Variants in RBFOX3 observed in about 807,000 individuals in gnomAD.
RBFOX3 encodes RNA binding fox-1 homolog 3, also known as RNA binding protein fox-1 homolog 3.
Under a neutral mutation model 48.7 loss-of-function variants are expected in RBFOX3, and 17 were observed. The ratio of observed to expected loss-of-function variants is 0.35; its 90% CI spans 0.24 to 0.52. RBFOX3 has a LOEUF of 0.52. RBFOX3 is among the 20% of genes least tolerant of loss of function. The pLI is 0.94. For synonymous variants in RBFOX3, 212 were observed against 209.5 expected, an observed-to-expected ratio of 1.01 and a Z score of -0.10; for missense variants, 382 against 497.5, an observed-to-expected ratio of 0.77 and a Z score of 2.21.
chr17:79,283,355 G>A (rs2071071422), intron 3 of RBFOX3, among the ~76,000 whole-genome samples: 2 of 146,770 alleles, frequency 1.4e-5, no homozygotes, highest in South Asian at 4.3e-4. Context: ...TGCAACCTCT[G>A]CCTCCTGGGT....
the RBFOX3 span, among the ~76,000 whole-genome samples, chr17:79,628,548 A>T: frequency 6.6e-6 from 1 of 152,172 alleles, no homozygotes; most frequent in African/African-American, 2.4e-5. Flanking sequence ...ATTCCTTTTA[A>T]TTGAGGCGAA....
In RBFOX3 at chr17:79,363,535, C is replaced by T. The variant is rs1374168427; in HGVS notation, c.-174-55711G>A. ...GTATCTCAGATCTTCTGAGGATGCCCAACACAAGGCTCAATTCCCCTTCCT... is the reference window on the plus strand; with the variant it reads ...GTATCTCAGATCTTCTGAGGATGCCTAACACAAGGCTCAATTCCCCTTCCT... On this transcript the variant is annotated intron_variant, in intron 2 of 14. Coordinates refer to ENST00000693108, the MANE Select transcript of RBFOX3 (RefSeq NM_001350451.2). This position sits in a 1 kb window ranked among gnomAD's most constrained non-coding sequence, Gnocchi z 4.7. Among the ~76,000 whole-genome samples the T allele has an allele frequency of 6.6e-6, 1 of 152,056 alleles. No individual in the cohort carries two copies. The highest frequency in any genetic ancestry group is 1.9e-4 in the East Asian group (1 of 5,178).
the RBFOX3 span, among the ~76,000 whole-genome samples, chr17:79,622,767 G>A: frequency 3.9e-5 from 6 of 152,280 alleles, no homozygotes; most frequent in Admixed American, 1.3e-4. Flanking sequence ...CTCCAAACAC[G>A]GTCACACGCA....
rs567311596 is a variant in RBFOX3, at chr17:79,198,719, G to A, written c.-34+37047C>T. Reference sequence around the variant, plus strand: ...AGGCTCGTTGCAACCTCCACCTTCCGGGTTCAAGCGATTCTCCTGCCTCAG... The same window carrying A: ...AGGCTCGTTGCAACCTCCACCTTCCAGGTTCAAGCGATTCTCCTGCCTCAG... On this transcript the variant is annotated intron_variant, in intron 4 of 14. Coordinates refer to ENST00000693108, the MANE Select transcript of RBFOX3 (RefSeq NM_001350451.2). This position sits in a 1 kb window ranked among gnomAD's most constrained non-coding sequence, Gnocchi z 8.2. Among the ~76,000 whole-genome samples, 37 of 152,108 alleles carry A rather than the reference G, an allele frequency of 2.4e-4. No homozygotes were observed. The highest frequency in any genetic ancestry group is 8.7e-4 in the African/African-American group (36 of 41,490).
Position 79,554,390 on chromosome 17 carries a change from C to CG in RBFOX3, c.-320+56435_-320+56436insC, listed in dbSNP as rs2091431676. On this transcript the variant is annotated intron_variant, in intron 1 of 14. Coordinates refer to ENST00000693108, the MANE Select transcript of RBFOX3 (RefSeq NM_001350451.2). Reference sequence around the variant, plus strand: ...TCCATCCTCACTCACAGTCACCCCTCACCTGGCCCTCTCCATCCTCACTCA... The same window carrying CG: ...TCCATCCTCACTCACAGTCACCCCTCGACCTGGCCCTCTCCATCCTCACTCA... Among the ~76,000 whole-genome samples the CG allele has an allele frequency of 2.1e-3, 172 of 81,896 alleles. 1 individual carries two copies. Among genetic ancestry groups the CG allele is most frequent in the African/African-American group, 7.7e-3 (165 of 21,346 alleles). 53.7% of individuals were successfully genotyped at this position (81,896 alleles called of 152,430 possible). A position where few individuals can be genotyped will look rare whatever the true frequency, so the allele number is the denominator to read the frequency against.
chr17:79,354,708 G>C (rs926703421), intron 2 of RBFOX3, among the ~76,000 whole-genome samples: 1 of 152,328 alleles, frequency 6.6e-6, no homozygotes, highest in Non-Finnish European at 1.5e-5. Flanking sequence ...CCTCAGGAGG[G>C]TTTCCCTTCC....
At chr17:79,413,311 T>C (rs1259162421) in intron 2 of RBFOX3, among the ~76,000 whole-genome samples, 1 of 152,178 alleles carries the variant, frequency 6.6e-6, no homozygotes, top group Non-Finnish European at 1.5e-5. Context: ...GACTCCAAAT[T>C]ATCCCAAAGG....
intron 4 of RBFOX3, among the ~76,000 whole-genome samples, chr17:79,147,427 G>A (rs1336202384): frequency 1.3e-5 from 2 of 152,256 alleles, no homozygotes; most frequent in Non-Finnish European, 2.9e-5. Context: ...TAAAGGCAGT[G>A]AGGCCGCCAG....
chr17:79,199,248 C>T lies in RBFOX3; in HGVS notation c.-34+36518G>A, dbSNP rs974683075. Among the ~76,000 whole-genome samples, 3 of 152,292 alleles carry T rather than the reference C, an allele frequency of 2.0e-5. No individual in the cohort carries two copies. Among genetic ancestry groups the T allele is most frequent in the Middle Eastern group, 3.4e-3 (1 of 294 alleles). On this transcript the variant is annotated intron_variant, in intron 4 of 14. Coordinates refer to ENST00000693108, the MANE Select transcript of RBFOX3 (RefSeq NM_001350451.2). The surrounding 1 kb of genome is among the most constrained non-coding windows in gnomAD (Gnocchi z 5.1). ...CCTTTCGAAAAGACCTCCCTAGCCC[C>T]CCACCCTCGGCAGCACCACCCACCA...
chr17:79,290,258 A>G (rs934868335), intron 3 of RBFOX3, among the ~76,000 whole-genome samples: 4 of 152,088 alleles, frequency 2.6e-5, no homozygotes, highest in Admixed American at 6.5e-5. Flanking sequence ...ATGGCAAAGG[A>G]AAAGGGAAGG....
At chr17:79,348,029 TC>T (rs2083195937) in intron 2 of RBFOX3, among the ~76,000 whole-genome samples, 1 of 152,122 alleles carries the variant, frequency 6.6e-6, no homozygotes, top group Non-Finnish European at 1.5e-5. Flanking sequence ...CTCCAAAAAA[TC>T]ACAGTCAACC....
At chr17:79,411,813 C>T (rs540279169) in intron 2 of RBFOX3, among the ~76,000 whole-genome samples, 40 of 152,322 alleles carry the variant, frequency 2.6e-4, no homozygotes, top group African/African-American at 8.7e-4. Context: ...GGGACGTTTG[C>T]TGAATGAATG....
rs1408199114 is a variant in RBFOX3 at position 79,214,520 on chromosome 17, GA to G, written c.-34+21245del. On this transcript the variant is annotated intron_variant, in intron 4 of 14. Coordinates refer to ENST00000693108, the MANE Select transcript of RBFOX3 (RefSeq NM_001350451.2). This position sits in a 1 kb window ranked among gnomAD's most constrained non-coding sequence, Gnocchi z 4.7. ...CCAGGGAGGAGGAGGAGAGATGGGA[GA>G]AGAGGGGCTCCCTGGGGCAGGCCAA... 6.6e-6 allele frequency among the ~76,000 whole-genome samples: 1 copy of G among 151,962 alleles called. No homozygotes were observed. Among genetic ancestry groups the G allele is most frequent in the East Asian group, 1.9e-4 (1 of 5,148 alleles).
In RBFOX3 at chr17:79,103,227, T is replaced by C; in HGVS notation, c.442A>G (p.Ser148Gly). 1 of 1,551,130 alleles carries C rather than the reference T, an allele frequency of 6.4e-7. No homozygotes were observed. ...TCCCGGGCTCGGTCAGCATCTGAGCTAGTTTCAAAAGTTACAAACCCAAAA... is the reference window on the plus strand; with the variant it reads ...TCCCGGGCTCGGTCAGCATCTGAGCCAGTTTCAAAAGTTACAAACCCAAAA... ...KGFGFVTFET[S>G]SDADRAREKL... Residue 148 changes from serine (S) to glycine (G), a missense_variant, in exon 8 of 15, where the codon AGC becomes GGC. Ser to Gly is a moderately conservative substitution (Grantham distance 56, BLOSUM62 0). Coordinates refer to ENST00000693108, the MANE Select transcript of RBFOX3 (RefSeq NM_001350451.2). This position sits in a 1 kb window ranked among gnomAD's most constrained non-coding sequence, Gnocchi z 6.1.
At chr17:79,651,020 C>T in the RBFOX3 span, among the ~76,000 whole-genome samples, 2 of 152,254 alleles carry the variant, frequency 1.3e-5, no homozygotes, top group African/African-American at 4.8e-5. Context: ...CCAGCGCCAT[C>T]CAGGCAGGGG....
chr17:79,109,572 G>A (rs896143661), intron 5 of RBFOX3, among the ~76,000 whole-genome samples: 16 of 152,330 alleles, frequency 1.1e-4, no homozygotes, highest in African/African-American at 3.6e-4. Flanking sequence ...GAACCAAGGC[G>A]AGACCGTCCA....
intron 3 of RBFOX3, among the ~76,000 whole-genome samples, chr17:79,296,594 A>T (rs1165079291): frequency 4.6e-5 from 7 of 151,920 alleles, no homozygotes; most frequent in Admixed American, 1.3e-4. Flanking sequence ...GGAAGAGTCC[A>T]TACCTGGCCT....
chr17:79,263,335 C>T (rs946416163), intron 3 of RBFOX3, among the ~76,000 whole-genome samples: 4 of 152,370 alleles, frequency 2.6e-5, no homozygotes, highest in South Asian at 2.1e-4. Context: ...TCCAAGTGAA[C>T]GCTGGTATTT....
chr17:79,464,875 G>A (rs913014087), intron 2 of RBFOX3, among the ~76,000 whole-genome samples: 1 of 152,232 alleles, frequency 6.6e-6, no homozygotes, highest in African/African-American at 2.4e-5. Context: ...TGAGTCCTCA[G>A]TCCCTGCAGA....
Sources: allele counts gnomAD v4.1 joint callset (sites outside exome capture counted in the v4.1 genomes callset), GRCh38; gene constraint gnomAD v4.1.1; non-coding constraint Gnocchi (gnomAD v3.1); transcripts MANE v1.5; gene names NCBI Gene and HGNC (gene_info 2026-07-23, HGNC 2026-07-21).